PCDHAC1: variants seen among roughly 807,000 people sequenced by gnomAD.
PCDHAC1 encodes protocadherin alpha-C1.
Under a neutral mutation model 60.0 loss-of-function variants are expected in PCDHAC1, and 42 were observed. That is an observed-to-expected ratio of 0.70 (90% CI 0.55 to 0.90). The LOEUF (loss-of-function observed/expected upper bound fraction) is 0.90, where lower values mean the gene tolerates loss of function less well. Ranked by LOEUF, PCDHAC1 falls within the 40% of genes least tolerant of loss-of-function variation. The pLI, the probability that PCDHAC1 is intolerant of heterozygous loss-of-function variation, is 0.00. For missense variants in PCDHAC1, 1,160 were observed against 1,222.3 expected, an observed-to-expected ratio of 0.95 and a Z score of 0.76; for synonymous variants, 468 against 499.3, an observed-to-expected ratio of 0.94 and a Z score of 0.84.
intron 1 of PCDHAC1, among the ~76,000 whole-genome samples, chr5:140,931,556 A>T (rs2153608416): frequency 6.6e-6 from 1 of 152,166 alleles, no homozygotes; most frequent in East Asian, 1.9e-4. Context: ...ATGTGCAGGA[A>T]TATTGTACCA....
chr5:140,942,901 A>T (rs1361297196), intron 1 of PCDHAC1, among the ~76,000 whole-genome samples: 1 of 152,094 alleles, frequency 6.6e-6, no homozygotes, highest in East Asian at 1.9e-4. Context: ...TATCTCTAAG[A>T]ATAAGCGTGA....
Position 141,009,965 on chromosome 5 carries a change from G to A in PCDHAC1, c.*28G>A, listed in dbSNP as rs782001097. On this transcript the variant is annotated 3_prime_UTR_variant, in exon 4 of 4. Coordinates refer to ENST00000253807, the MANE Select transcript of PCDHAC1 (RefSeq NM_018898.5). ...TCCTCAAATGGAAACAAGCCACTTA[G>A]CCAGTTTTTGTAATAATGGCAAATC... is the stretch of plus-strand genomic sequence containing the variant. 1.6e-5 allele frequency: 26 copies of A among 1,587,906 alleles called. No individual in the cohort carries two copies. Among genetic ancestry groups the A allele is most frequent in the Non-Finnish European group, 2.6e-6 (3 of 1,170,436 alleles).
intron 2 of PCDHAC1, chr5:140,982,229 A>C (rs2096972091): frequency 3.2e-6 from 2 of 616,470 alleles, no homozygotes. Context: ...TTAATAAAAA[A>C]CAGAATTGCC....
chr5:140,953,187 T>A (rs2094856489), intron 1 of PCDHAC1, among the ~76,000 whole-genome samples: 1 of 152,148 alleles, frequency 6.6e-6, no homozygotes, highest in South Asian at 2.1e-4. Flanking sequence ...AGAATAAACT[T>A]GATTAGACTA....
At chr5:141,000,415 A>T (rs1462372394) in intron 3 of PCDHAC1, among the ~76,000 whole-genome samples, 8 of 87,370 alleles carry the variant, frequency 9.2e-5, no homozygotes, top group African/African-American at 2.5e-4. Flanking sequence ...ATATATATAT[A>T]TATATATTTT....
chr5:140,981,673 C>T (rs1184909774), intron 2 of PCDHAC1, among the ~76,000 whole-genome samples: 1 of 152,108 alleles, frequency 6.6e-6, no homozygotes, highest in African/African-American at 2.4e-5. Flanking sequence ...TTCCTTTCTT[C>T]CTTCCTCCCT....
At chr5:141,002,491 A>G (rs1244268735) in intron 3 of PCDHAC1, among the ~76,000 whole-genome samples, 1 of 152,214 alleles carries the variant, frequency 6.6e-6, no homozygotes, top group Non-Finnish European at 1.5e-5. Flanking sequence ...TGACCTTGTT[A>G]TACAGCTCAG....
rs1351628380 is a variant in PCDHAC1, at chr5:140,928,607, G to A, written c.1715G>A (p.Arg572His). Reference protein sequence around the residue: ...NGSVPVEIVPRSARTGHLVTK... With the variant: ...NGSVPVEIVPHSARTGHLVTK... ...TCTGTCCCAGTGGAAATTGTGCCCC[G>A]CTCTGCCAGGACTGGACACTTGGTC... The change falls in exon 1 of 4, where the codon CGC (arginine) becomes CAC (histidine). Residue 572 changes from arginine (R) to histidine (H), a missense_variant. Arg to His is a conservative substitution (Grantham distance 29). Around this residue, in one of 3 missense-constraint regions of PCDHAC1, gnomAD observed 1,113 missense variants for 1,163.7 expected, o/e 0.96. Coordinates refer to ENST00000253807, the MANE Select transcript of PCDHAC1 (RefSeq NM_018898.5). 3.1e-6 allele frequency: 5 copies of A among 1,614,068 alleles called. No homozygotes were observed. In the South Asian group the frequency reaches 3.3e-5, roughly 11 times the overall value.
At chr5:140,960,380 A>G (rs2095544105) in intron 1 of PCDHAC1, among the ~76,000 whole-genome samples, 2 of 152,200 alleles carry the variant, frequency 1.3e-5, no homozygotes, top group African/African-American at 4.8e-5. Flanking sequence ...TTAAGTGCCA[A>G]GACATTAGGA....
chr5:140,957,717 A>G (rs2095377934), intron 1 of PCDHAC1, among the ~76,000 whole-genome samples: 1 of 152,166 alleles, frequency 6.6e-6, no homozygotes, highest in African/African-American at 2.4e-5. Context: ...TTATTAAGAA[A>G]GAAGCAGAAT....
chr5:140,985,430 A>T lies in PCDHAC1; in HGVS notation c.2581+2867A>T, dbSNP rs1158797076. ...GGAAATGGAGTGAGGAGGATTTATT[A>T]GTTGCTGCCTGAAGAAAAGGGAAAT... On this transcript the variant is annotated intron_variant, in intron 3 of 3. Transcript: ENST00000253807. Among the ~76,000 whole-genome samples the T allele has an allele frequency of 2.6e-5, 4 of 152,186 alleles. 1 individual carries two copies. Among genetic ancestry groups the T allele is most frequent in the Non-Finnish European group, 5.9e-5 (4 of 68,036 alleles).
At chr5:140,981,458 C>T (rs1465511355) in intron 2 of PCDHAC1, among the ~76,000 whole-genome samples, 5 of 152,134 alleles carry the variant, frequency 3.3e-5, no homozygotes, top group African/African-American at 4.8e-5. Flanking sequence ...CCTGTAGTCC[C>T]AGCTACTTGG....
At chr5:140,938,133 A>G (rs2091933876) in intron 1 of PCDHAC1, among the ~76,000 whole-genome samples, 1 of 152,268 alleles carries the variant, frequency 6.6e-6, no homozygotes, top group South Asian at 2.1e-4. Context: ...AAAAATAGAG[A>G]TAGAGTCTCA....
intron 1 of PCDHAC1, chr5:140,966,887 G>A: frequency 6.3e-7 from 1 of 1,592,682 alleles, no homozygotes. Flanking sequence ...TGGCCCTGCG[G>A]CCTCCCAGCT....
At position 140,928,355 on chromosome 5, in the gene PCDHAC1, T is replaced by C. The variant is rs368876306; in HGVS notation, c.1463T>C (p.Ile488Thr). Residue 488 changes from isoleucine (I) to threonine (T), a missense_variant, in exon 1 of 4, where the codon ATC becomes ACC. Physicochemically the swap from Ile to Thr is moderately conservative, Grantham distance 89. Around this residue, in one of 3 missense-constraint regions of PCDHAC1, gnomAD observed 1,113 missense variants for 1,163.7 expected, o/e 0.96. Coordinates refer to ENST00000253807, the MANE Select transcript of PCDHAC1 (RefSeq NM_018898.5). ...GLVSYELLDV[I>T]SEGPSASSLL... ...GTCTCTTATGAGCTGTTGGATGTTA[T>C]CTCTGAAGGGCCATCAGCCTCTAGC... 8.1e-6 allele frequency: 13 copies of C among 1,614,062 alleles called. No individual in the cohort carries two copies. The African/African-American group carries it at 1.6e-4, about 20-fold the overall frequency.
intron 1 of PCDHAC1, among the ~76,000 whole-genome samples, chr5:140,959,063 A>G (rs190067147): frequency 2.0e-5 from 3 of 152,292 alleles, no homozygotes; most frequent in Admixed American, 2.0e-4. Flanking sequence ...TGCAGTATAT[A>G]TAGAATTCAG....
At chr5:140,983,977 C>T (rs566705604) in intron 3 of PCDHAC1, among the ~76,000 whole-genome samples, 20 of 152,234 alleles carry the variant, frequency 1.3e-4, no homozygotes, top group Non-Finnish European at 2.4e-4. Flanking sequence ...AAAAAATATA[C>T]GAGTTGAAGC....
chr5:140,927,511 G>A lies in PCDHAC1; in HGVS notation c.619G>A (p.Asp207Asn), dbSNP rs1563093224. The A allele has an allele frequency of 6.2e-7, 1 of 1,614,120 alleles. No homozygotes were observed. Among genetic ancestry groups the A allele is most frequent in the Non-Finnish European group, 8.5e-7 (1 of 1,180,042 alleles). ...ATHLLVLTAR[D>N]GGLPARSGDA... is the part of the protein sequence containing the mutation. ...CCACCTGCTGGTGCTTACAGCTCGGGACGGCGGGCTACCTGCCCGCTCAGG... is the reference window on the plus strand; with the variant it reads ...CCACCTGCTGGTGCTTACAGCTCGGAACGGCGGGCTACCTGCCCGCTCAGG... Residue 207 changes from aspartate to asparagine, a missense_variant, in exon 1 of 4, where the codon GAC becomes AAC. Asp to Asn is a conservative substitution (Grantham distance 23). Coordinates refer to ENST00000253807, the MANE Select transcript of PCDHAC1 (RefSeq NM_018898.5).
At position 140,963,599 on chromosome 5, in the gene PCDHAC1, C is replaced by T. The variant is rs968307291; in HGVS notation, c.2434-15350C>T. On this transcript the variant is annotated intron_variant, in intron 1 of 3. Coordinates refer to ENST00000253807, the MANE Select transcript of PCDHAC1 (RefSeq NM_018898.5). ...TCAAAATGTAGGATATAGTTCTAGA[C>T]GTAATTGGGAAAGCTTAACTTTGTT... Among the ~76,000 whole-genome samples, 9 of 152,254 alleles carry T rather than the reference C, an allele frequency of 5.9e-5. No individual in the cohort carries two copies. The South Asian group carries it at 1.0e-3, about 18-fold the overall frequency.
Sources: gnomAD v4.1 joint callset for allele counts (sites outside exome capture counted in the v4.1 genomes callset) on GRCh38, gnomAD v4.1.1 for gene constraint, gnomAD v4.1.1 regional missense constraint, MANE v1.5 for transcripts, NCBI Gene and HGNC (gene_info 2026-07-23, HGNC 2026-07-21) for gene names.